The following METTL8 variants were observed in gnomAD, a reference collection of about 807,000 sequenced individuals.
METTL8 encodes tRNA N(3)-cytidine methyltransferase METTL8, mitochondrial.
A neutral mutation model predicts 48.7 loss-of-function variants in METTL8; 32 were observed. The observed-to-expected ratio is 0.66, with a 90% CI of 0.50 to 0.88. METTL8 has a LOEUF of 0.88. Among genes scored for constraint, METTL8 ranks in the 40% least tolerant of loss-of-function variants. The pLI is 0.00. For missense variants in METTL8, 464 were observed against 474.4 expected (o/e 0.98, Z 0.20); for synonymous variants, 136 against 157.1 (o/e 0.87, Z 1.01).
At chr2:171,356,475 T>C (rs1684553375) in intron 3 of METTL8, among the ~76,000 whole-genome samples, 1 of 152,198 alleles carries the variant, frequency 6.6e-6, no homozygotes, top group Non-Finnish European at 1.5e-5. Flanking sequence ...TAGATTATTG[T>C]GAACTAGTCA....
chr2:171,333,255 C>T (rs142381153), intron 5 of METTL8, among the ~76,000 whole-genome samples: 6,576 of 152,068 alleles, frequency 0.043, 206 homozygotes, highest in South Asian at 0.13. Context: ...TGTGCTACCA[C>T]GGCCGGCTAA....
At chr2:171,375,039 G>C in intron 2 of METTL8, 1 of 1,094,892 alleles carries the variant, frequency 9.1e-7, no homozygotes, top group East Asian at 2.3e-5. Context: ...CTACTTTGCT[G>C]TGAATTGCAC....
Position 171,316,485 on chromosome 2 carries a change from A to T in METTL8, c.*7687T>A. Among the ~76,000 whole-genome samples the T allele has an allele frequency of 6.6e-6, 1 of 152,230 alleles. No homozygotes were observed. The highest frequency in any genetic ancestry group is 1.9e-4 in the East Asian group (1 of 5,202). Reference sequence around the variant, plus strand: ...GAGAAAGCATGGAAGAAATGTGAGTAAAACAAGGAAGATTATAATGAAGCT... The same window carrying T: ...GAGAAAGCATGGAAGAAATGTGAGTTAAACAAGGAAGATTATAATGAAGCT... On this transcript the variant is annotated 3_prime_UTR_variant, in exon 10 of 10. Transcript: ENST00000375258.
chr2:171,326,249 G>A (rs756257752), intron 7 of METTL8, 101 bp from the exon 8 acceptor site: 8 of 644,216 alleles, frequency 1.2e-5, no homozygotes, highest in South Asian at 2.2e-5. Context: ...AGCTTGATAA[G>A]GCCAAAGAAA....
At position 171,404,052 on chromosome 2, in the gene METTL8, CATATATATATATATATATATATATATAT is replaced by C. The variant is rs60563600; in HGVS notation, c.-12-11883_-12-11856del. 2.7e-3 allele frequency among the ~76,000 whole-genome samples: 120 copies of C among 43,978 alleles called. 1 individual carries two copies. The highest frequency in any genetic ancestry group is 0.025 in the South Asian group (27 of 1,088). The allele number at this position is 43,978 out of a possible 152,430, so 28.9% of individuals were successfully genotyped here. On this transcript the variant is annotated intron_variant, in intron 1 of 9. Transcript: ENST00000375258. ...AAACCCTATACATACTATGCTTTCT[CATATATATATATATATATATATATATAT>C]ATATATATATATATATATATGATAG...
chr2:171,432,780 A>G (rs537869170), intron 1 of METTL8, among the ~76,000 whole-genome samples: 20 of 152,312 alleles, frequency 1.3e-4, no homozygotes, highest in African/African-American at 4.8e-4. Flanking sequence ...GTAAGTACTC[A>G]CTTAATGTCA....
rs1684402253 is a variant in METTL8 at position 171,319,117 on chromosome 2, C to CTTTCTTACAA, written c.*5054_*5055insTTGTAAGAAA. On this transcript the variant is annotated 3_prime_UTR_variant, in exon 10 of 10. Transcript: ENST00000375258. ...CAACACTTTTTTCCATGGAAAGATA[C>CTTTCTTACAA]TGTCTTTCTTACAATGTCTCATAAA... is the stretch of plus-strand genomic sequence containing the variant. The CTTTCTTACAA allele has an allele frequency of 6.6e-6, 1 of 152,168 alleles. No individual in the cohort carries two copies. The highest frequency in any genetic ancestry group is 2.4e-5 in the African/African-American group (1 of 41,442). 9.4% of individuals were successfully genotyped at this position (152,168 alleles called of 1,614,324 possible). A position where few individuals can be genotyped will look rare whatever the true frequency, so the allele number is the denominator to read the frequency against.
chr2:171,366,453 G>A (rs1323475041), intron 2 of METTL8, among the ~76,000 whole-genome samples: 1 of 152,110 alleles, frequency 6.6e-6, no homozygotes, highest in South Asian at 2.1e-4. Flanking sequence ...AATCCAGACT[G>A]CATAGAAGAT....
intron 7 of METTL8, among the ~76,000 whole-genome samples, chr2:171,328,904 G>T (rs1685232304): frequency 6.6e-6 from 1 of 152,128 alleles, no homozygotes; most frequent in South Asian, 2.1e-4. Context: ...GGCCAGGCTG[G>T]TCTTGAACTC....
rs141849840 is a variant in METTL8, at chr2:171,350,069, C to T, written c.235+10353G>A. The stretch of plus-strand genomic sequence containing the variant: ...TGTTGGTGTGCTGCACCCATTAACT[C>T]GTCATTTACATTAGGTATATCTCCT... On this transcript the variant is annotated intron_variant, in intron 3 of 9. Transcript: ENST00000375258. Among the ~76,000 whole-genome samples, 293 of 152,174 alleles carry T rather than the reference C, an allele frequency of 1.9e-3. 6 individuals are homozygous for T. The East Asian group carries it at 0.028, about 15-fold the overall frequency.
intron 1 of METTL8, among the ~76,000 whole-genome samples, chr2:171,399,258 G>A (rs1021694248): frequency 6.6e-6 from 1 of 152,114 alleles, no homozygotes; most frequent in Non-Finnish European, 1.5e-5. Context: ...AGGAAATGAA[G>A]CTCATTCAAG....
At position 171,375,319 on chromosome 2, in the gene METTL8, G is replaced by C. The variant is rs1415183336; in HGVS notation, c.144-14806C>G. On this transcript the variant is annotated intron_variant, in intron 2 of 9. Coordinates refer to ENST00000375258, the MANE Select transcript of METTL8 (RefSeq NM_001321154.2). ...CAGAGATATATGTTTATCTTTTAAA[G>C]AAACTGCCAAGTTCCTCGTTAGCAT... The C allele has an allele frequency of 6.5e-5, 48 of 739,626 alleles. No individual in the cohort carries two copies. The East Asian group carries it at 1.2e-3, about 19-fold the overall frequency. 45.8% of individuals were successfully genotyped at this position (739,626 alleles called of 1,614,324 possible).
rs1431145719 is a variant in METTL8 at position 171,321,529 on chromosome 2, C to G, written c.*2643G>C. ...TTAAGAGATGAACCAATGACTAAAG[C>G]TGGACCAATGATATTCTTCTAGAAA... On this transcript the variant is annotated 3_prime_UTR_variant, in exon 10 of 10. Coordinates refer to ENST00000375258, the MANE Select transcript of METTL8 (RefSeq NM_001321154.2). 1 of 152,174 alleles carries G rather than the reference C, an allele frequency of 6.6e-6. No individual in the cohort carries two copies. The highest frequency in any genetic ancestry group is 1.5e-5 in the Non-Finnish European group (1 of 68,042). 9.4% of individuals were successfully genotyped at this position (152,174 alleles called of 1,614,324 possible).
chr2:171,344,003 C>T (rs1687032498), intron 3 of METTL8, among the ~76,000 whole-genome samples: 1 of 152,142 alleles, frequency 6.6e-6, no homozygotes. Context: ...TATTAGAAGG[C>T]AATAGTCAGG....
chr2:171,364,711 G>A (rs1033326192), intron 2 of METTL8, among the ~76,000 whole-genome samples: 1 of 152,074 alleles, frequency 6.6e-6, no homozygotes, highest in Admixed American at 6.6e-5. Context: ...ATTTAAGTTG[G>A]ATACTAAAGT....
intron 2 of METTL8, among the ~76,000 whole-genome samples, chr2:171,371,575 T>C (rs1686346188): frequency 6.6e-6 from 1 of 152,016 alleles, no homozygotes; most frequent in African/African-American, 2.4e-5. Context: ...CAGGCTGGTC[T>C]TGAACTCCCG....
At chr2:171,348,372 A>G (rs1165315227) in intron 3 of METTL8, among the ~76,000 whole-genome samples, 2 of 152,186 alleles carry the variant, frequency 1.3e-5, no homozygotes, top group Non-Finnish European at 2.9e-5. Flanking sequence ...CTCAAAAGTG[A>G]CCATAGACAG....
rs1176628186 is a variant in METTL8 at position 171,392,061 on chromosome 2, A to G, written c.125T>C (p.Val42Ala). The change falls in exon 2 of 10, where the codon GTT (valine) becomes GCT (alanine). Residue 42 changes from valine (V) to alanine (A), a missense_variant. Coordinates refer to ENST00000375258, the MANE Select transcript of METTL8 (RefSeq NM_001321154.2). ...AACTCACCACATGTTGTGTTCAAAAACTTTGGCTGGGTCAGTTAAAATCCT... is the reference window on the plus strand; with the variant it reads ...AACTCACCACATGTTGTGTTCAAAAGCTTTGGCTGGGTCAGTTAAAATCCT... ...GSRILTDPAK[V>A]FEHNMWDHMQ... 6.4e-7 allele frequency: 1 copy of G among 1,551,412 alleles called. No individual in the cohort carries two copies. Among genetic ancestry groups the G allele is most frequent in the Non-Finnish European group, 8.7e-7 (1 of 1,146,896 alleles).
intron 1 of METTL8, among the ~76,000 whole-genome samples, chr2:171,418,850 G>A (rs998117361): frequency 1.3e-5 from 2 of 152,040 alleles, no homozygotes; most frequent in Non-Finnish European, 2.9e-5. Flanking sequence ...AGCTACTTGG[G>A]AGGCTGAGGT....
Sources: allele counts gnomAD v4.1 joint callset (sites outside exome capture counted in the v4.1 genomes callset), GRCh38; gene constraint gnomAD v4.1.1; transcripts MANE v1.5; gene names NCBI Gene and HGNC (gene_info 2026-07-23, HGNC 2026-07-21).